SMG6: variants seen among roughly 807,000 people sequenced by gnomAD.
The protein encoded by SMG6 is SMG6 nonsense mediated mRNA decay factor.
Under a neutral mutation model 142.2 loss-of-function variants are expected in SMG6, and 66 were observed. The ratio of observed to expected loss-of-function variants is 0.46; its 90% CI spans 0.38 to 0.57. The LOEUF (loss-of-function observed/expected upper bound fraction) is 0.57. Ranked by LOEUF, SMG6 falls within the 20% of genes least tolerant of loss-of-function variation. SMG6 has a pLI of 0.00. For missense variants in SMG6, 1,793 were observed against 1,832.0 expected, an observed-to-expected ratio of 0.98 and a Z score of 0.39; for synonymous variants, 779 against 702.4, an observed-to-expected ratio of 1.11 and a Z score of -1.72.
At chr17:2,268,187 T>C (rs1268978235) in intron 8 of SMG6, among the ~76,000 whole-genome samples, 2 of 152,174 alleles carry the variant, frequency 1.3e-5, no homozygotes, top group Non-Finnish European at 2.9e-5. Flanking sequence ...TATAGGCATG[T>C]GCTACTGTGT....
At chr17:2,129,698 A>C (rs1360436631) in intron 13 of SMG6, among the ~76,000 whole-genome samples, 1 of 149,054 alleles carries the variant, frequency 6.7e-6, no homozygotes, top group East Asian at 2.0e-4. Context: ...GCAGGCTGAG[A>C]CAGGAGAATC....
In SMG6 at chr17:2,122,047, T is replaced by C. The variant is rs555265631; in HGVS notation, c.3358-36146A>G. On this transcript the variant is annotated intron_variant, in intron 13 of 18. Coordinates refer to ENST00000263073, the MANE Select transcript of SMG6 (RefSeq NM_017575.5). ...CGGGGTTTCACCATGTTGGCCAGGA[T>C]GGTCTCGAACTCCTGGCTGCAAGCA... is the stretch of plus-strand genomic sequence containing the variant. Among the ~76,000 whole-genome samples, 3 of 152,236 alleles carry C rather than the reference T, an allele frequency of 2.0e-5. No individual in the cohort carries two copies. In the East Asian group the frequency reaches 5.8e-4, roughly 29 times the overall value.
Position 2,119,523 on chromosome 17 carries a change from G to A in SMG6, c.3358-33622C>T, listed in dbSNP as rs569150516. Among the ~76,000 whole-genome samples the A allele has an allele frequency of 1.4e-4, 22 of 151,814 alleles. No individual in the cohort carries two copies. In the East Asian group the frequency reaches 2.1e-3, roughly 15 times the overall value. On this transcript the variant is annotated intron_variant, in intron 13 of 18. Coordinates refer to ENST00000263073, the MANE Select transcript of SMG6 (RefSeq NM_017575.5). ...ATTATTTATTATTATTATTTGAGACGGAGTCTTGCTCTGTTGCCCAGGCCA... is the reference window on the plus strand; with the variant it reads ...ATTATTTATTATTATTATTTGAGACAGAGTCTTGCTCTGTTGCCCAGGCCA...
intron 8 of SMG6, among the ~76,000 whole-genome samples, chr17:2,266,970 T>C (rs1346656546): frequency 6.6e-6 from 1 of 152,140 alleles, no homozygotes; most frequent in African/African-American, 2.4e-5. Context: ...CTGTTTCTCA[T>C]GGCCTAAGAA....
chr17:2,146,662 C>T (rs1355684426), intron 13 of SMG6, among the ~76,000 whole-genome samples: 1 of 152,122 alleles, frequency 6.6e-6, no homozygotes, highest in Non-Finnish European at 1.5e-5. Flanking sequence ...AACTCTTAAG[C>T]TCAAGTGATC....
chr17:2,066,262 ACGTGTATGTCTGTGTG>A (rs528026938), intron 16 of SMG6, among the ~76,000 whole-genome samples: 21 of 151,664 alleles, frequency 1.4e-4, no homozygotes, highest in Non-Finnish European at 2.6e-4. Flanking sequence ...GTGTGCGCGC[ACGTGTATGTCTGTGTG>A]CGTGTATGTG....
intron 8 of SMG6, among the ~76,000 whole-genome samples, chr17:2,281,635 G>A (rs535285244): frequency 2.9e-4 from 44 of 152,196 alleles, no homozygotes; most frequent in Non-Finnish European, 4.0e-4. Context: ...TTTACAAAGC[G>A]GCCAGGGTTT....
chr17:2,075,776 C>T (rs779961021), intron 15 of SMG6, among the ~76,000 whole-genome samples: 2 of 152,252 alleles, frequency 1.3e-5, no homozygotes, highest in Non-Finnish European at 2.9e-5. Flanking sequence ...CTGTCTCAGG[C>T]AACAAGACAG....
chr17:2,203,824 G>T (rs1011730115), intron 10 of SMG6, among the ~76,000 whole-genome samples: 3 of 152,300 alleles, frequency 2.0e-5, no homozygotes, highest in Non-Finnish European at 4.4e-5. Context: ...CTTTGAGCCA[G>T]AAGTAAAAAT....
At chr17:2,222,984 T>C (rs2073220337) in intron 10 of SMG6, among the ~76,000 whole-genome samples, 1 of 152,226 alleles carries the variant, frequency 6.6e-6, no homozygotes, top group Non-Finnish European at 1.5e-5. Context: ...AAAGAGGTTA[T>C]GTGGAACAGA....
rs144607655 is a variant in SMG6 at position 2,065,057 on chromosome 17, G to A, written c.4129+16C>T. ...CAGTGGGGATGGAAGATCCCAAGGCGGAGGCAAAGCTGTACCTTTGCTGGC... is the reference window on the plus strand; with the variant it reads ...CAGTGGGGATGGAAGATCCCAAGGCAGAGGCAAAGCTGTACCTTTGCTGGC... On this transcript the variant is annotated intron_variant, in intron 18 of 18. Transcript: ENST00000263073. 1.1e-3 allele frequency: 1,721 copies of A among 1,608,244 alleles called. 5 individuals are homozygous for A. Among genetic ancestry groups the A allele is most frequent in the Middle Eastern group, 3.8e-3 (23 of 6,044 alleles).
chr17:2,151,889 G>C (rs972885548), intron 13 of SMG6, among the ~76,000 whole-genome samples: 1 of 152,234 alleles, frequency 6.6e-6, no homozygotes, highest in African/African-American at 2.4e-5. Context: ...AACCCTGTGT[G>C]TCAGAACCCT....
intron 9 of SMG6, among the ~76,000 whole-genome samples, chr17:2,240,826 G>A (rs1416729843): frequency 6.6e-6 from 1 of 152,220 alleles, no homozygotes; most frequent in East Asian, 1.9e-4. Flanking sequence ...GCAGGCGGGA[G>A]AGTGATGTGC....
intron 8 of SMG6, among the ~76,000 whole-genome samples, chr17:2,254,945 T>A (rs2074131129): frequency 6.6e-6 from 1 of 151,968 alleles, no homozygotes; most frequent in Non-Finnish European, 1.5e-5. Context: ...AAACAGTTGG[T>A]TTTGGAGAGG....
chr17:2,219,508 C>T (rs2073112440), intron 10 of SMG6, among the ~76,000 whole-genome samples: 2 of 152,024 alleles, frequency 1.3e-5, no homozygotes, highest in Non-Finnish European at 2.9e-5. Flanking sequence ...TAACCTAGGT[C>T]GGGTGCAGTG....
In SMG6 at chr17:2,130,266, C is replaced by CAAAAAAAAAA. The variant is rs903007543; in HGVS notation, c.3357+42382_3357+42391dup. Among the ~76,000 whole-genome samples, 161 of 39,460 alleles carry CAAAAAAAAAA rather than the reference C, an allele frequency of 4.1e-3. 24 individuals carry two copies. Among genetic ancestry groups the CAAAAAAAAAA allele is most frequent in the East Asian group, 4.3e-3 (6 of 1,396 alleles). The allele number at this position is 39,460 out of a possible 152,430, so 25.9% of individuals were successfully genotyped here. ...TGGGCGACAGAGCGAGACTCCGTCT[C>CAAAAAAAAAA]AAAAAAAAAAAAAAAAAAGAAACAG... On this transcript the variant is annotated intron_variant, in intron 13 of 18. Transcript: ENST00000263073.
chr17:2,144,049 C>CGTTTT (rs2070578482), intron 13 of SMG6, among the ~76,000 whole-genome samples: 1 of 65,102 alleles, frequency 1.5e-5, no homozygotes. Flanking sequence ...ACCACGGCCG[C>CGTTTT]TTTTTTTTTT....
intron 13 of SMG6, chr17:2,088,441 C>T (rs368879387): frequency 1.3e-5 from 13 of 985,250 alleles, no homozygotes; most frequent in East Asian, 2.3e-4. Context: ...TTTTCATTTC[C>T]GCCCCATTTA....
chr17:2,113,913 T>C (rs902617485), intron 13 of SMG6, among the ~76,000 whole-genome samples: 2 of 152,234 alleles, frequency 1.3e-5, no homozygotes, highest in African/African-American at 4.8e-5. Flanking sequence ...CCTACCTTTA[T>C]CAAATGAACA....
Sources: gnomAD v4.1 joint callset for allele counts (sites outside exome capture counted in the v4.1 genomes callset) on GRCh38, gnomAD v4.1.1 for gene constraint, MANE v1.5 for transcripts, NCBI Gene and HGNC (gene_info 2026-07-23, HGNC 2026-07-21) for gene names.